DLG2: variants seen among roughly 807,000 people sequenced by gnomAD.
DLG2 encodes disks large homolog 2.
A neutral mutation model predicts 132.5 loss-of-function variants in DLG2; 45 were observed. That is an observed-to-expected ratio of 0.34 (90% CI 0.27 to 0.44). DLG2 has a LOEUF of 0.44. Ranked by LOEUF, DLG2 falls within the 20% of genes least tolerant of loss-of-function variation. The pLI is 1.00. For synonymous variants in DLG2, 424 were observed against 419.6 expected, an observed-to-expected ratio of 1.01 and a Z score of -0.13; for missense variants, 1,045 against 1,196.9, an observed-to-expected ratio of 0.87 and a Z score of 1.87.
intron 7 of DLG2, among the ~76,000 whole-genome samples, chr11:84,362,808 T>C (rs948150824): frequency 8.5e-5 from 13 of 152,232 alleles, no homozygotes; most frequent in South Asian, 8.3e-4. Flanking sequence ...TGATTTCCAA[T>C]TTCATCCATG....
chr11:85,268,126 C>T (rs1418494634), intron 4 of DLG2, among the ~76,000 whole-genome samples: 2 of 152,092 alleles, frequency 1.3e-5, no homozygotes, highest in East Asian at 1.9e-4. Flanking sequence ...CTCCTCAGAG[C>T]TTGTTTTCTG....
chr11:85,620,433 A>G (rs970633798), intron 2 of DLG2, among the ~76,000 whole-genome samples: 38 of 152,204 alleles, frequency 2.5e-4, no homozygotes, highest in Non-Finnish European at 5.3e-4. Context: ...TCACACTCAA[A>G]GCTAGAAAAT....
At chr11:84,133,291 A>G (rs973163370) in intron 9 of DLG2, among the ~76,000 whole-genome samples, 4 of 152,076 alleles carry the variant, frequency 2.6e-5, no homozygotes, top group South Asian at 2.1e-4. Flanking sequence ...CAACCAGAGG[A>G]GGAAATATAT....
chr11:84,191,745 T>C (rs755873099), intron 8 of DLG2, among the ~76,000 whole-genome samples: 5 of 152,198 alleles, frequency 3.3e-5, no homozygotes, highest in Non-Finnish European at 5.9e-5. Flanking sequence ...TAAATAATCA[T>C]TGACAACTGC....
At chr11:84,217,001 A>C (rs1051753827) in intron 8 of DLG2, among the ~76,000 whole-genome samples, 3 of 152,234 alleles carry the variant, frequency 2.0e-5, no homozygotes, top group African/African-American at 4.8e-5. Context: ...GAAGGAAAAA[A>C]GTTTGATTAT....
At chr11:84,943,468 A>T (rs1460027777) in intron 6 of DLG2, among the ~76,000 whole-genome samples, 1 of 150,226 alleles carries the variant, frequency 6.7e-6, no homozygotes, top group Non-Finnish European at 1.5e-5. Context: ...GTATGTTTTA[A>T]TTTCTTTCTT....
intron 3 of DLG2, among the ~76,000 whole-genome samples, chr11:85,448,127 C>A (rs545351860): frequency 6.6e-6 from 1 of 151,976 alleles, no homozygotes; most frequent in South Asian, 2.1e-4. Context: ...CAAATTAAAG[C>A]GATTTTTATA....
At chr11:83,891,220 G>T (rs1328290908) in intron 15 of DLG2, among the ~76,000 whole-genome samples, 3 of 151,942 alleles carry the variant, frequency 2.0e-5, no homozygotes, top group Non-Finnish European at 4.4e-5. Context: ...CTTAGTGATA[G>T]GAAACATTAT....
rs146765617 is a variant in DLG2 at position 85,443,470 on chromosome 11, T to G, written c.40+155187A>C. ...AACCTCTTTAAGATCACCTCCAACT[T>G]TAATATTCTATGTTTCTCTGTGATA... On this transcript the variant is annotated intron_variant, in intron 3 of 27. Coordinates refer to ENST00000376104, the MANE Select transcript of DLG2 (RefSeq NM_001142699.3). Among the ~76,000 whole-genome samples the G allele has an allele frequency of 3.2e-4, 49 of 152,312 alleles. No individual in the cohort carries two copies. The East Asian group carries it at 9.3e-3, about 29-fold the overall frequency.
At chr11:85,039,299 G>C (rs187055983) in intron 6 of DLG2, among the ~76,000 whole-genome samples, 1 of 147,108 alleles carries the variant, frequency 6.8e-6, no homozygotes, top group Admixed American at 6.8e-5. Flanking sequence ...AAAGTTTGCC[G>C]TCTCTCAAAA....
intron 6 of DLG2, among the ~76,000 whole-genome samples, chr11:84,734,012 C>T (rs1405133687): frequency 6.6e-6 from 1 of 152,102 alleles, no homozygotes; most frequent in Non-Finnish European, 1.5e-5. Context: ...TGTTTTGGTA[C>T]CAGTACCATG....
At chr11:83,710,166 CT>C (rs34223532) in intron 18 of DLG2, among the ~76,000 whole-genome samples, 47,984 of 145,038 alleles carry the variant, frequency 0.33, 8,975 homozygotes, top group African/African-American at 0.54. Context: ...AAATAAGGTA[CT>C]TTTTTTTTTT....
chr11:83,709,991 T>G (rs1361367238), intron 18 of DLG2, among the ~76,000 whole-genome samples: 1 of 152,126 alleles, frequency 6.6e-6, no homozygotes, highest in Non-Finnish European at 1.5e-5. Context: ...TGGGTGAGCA[T>G]TTTGTGAAAG....
At chr11:85,017,828 C>T (rs963279244) in intron 6 of DLG2, among the ~76,000 whole-genome samples, 4 of 152,122 alleles carry the variant, frequency 2.6e-5, no homozygotes, top group Admixed American at 6.5e-5. Flanking sequence ...TCTCTCTCTC[C>T]TAGGGTCATC....
intron 9 of DLG2, among the ~76,000 whole-genome samples, chr11:84,106,175 T>C (rs1370320003): frequency 6.6e-6 from 1 of 152,152 alleles, no homozygotes; most frequent in African/African-American, 2.4e-5. Context: ...AAATGTCCCT[T>C]GATAGAAAGG....
chr11:84,860,029 A>G (rs978822073), intron 6 of DLG2, among the ~76,000 whole-genome samples: 6 of 152,284 alleles, frequency 3.9e-5, no homozygotes, highest in South Asian at 4.1e-4. Flanking sequence ...ACAGGCTGGT[A>G]GCCCTTCAGC....
chr11:84,414,758 C>T (rs1424110017), intron 7 of DLG2, among the ~76,000 whole-genome samples: 1 of 152,146 alleles, frequency 6.6e-6, no homozygotes, highest in African/African-American at 2.4e-5. Context: ...TGCAAAGTAG[C>T]TTCTTGCCAC....
intron 16 of DLG2, among the ~76,000 whole-genome samples, chr11:83,868,359 T>A (rs2062794770): frequency 6.6e-6 from 1 of 152,128 alleles, no homozygotes; most frequent in Admixed American, 6.6e-5. Context: ...CAAACATAAA[T>A]CTTTTTGGGG....
chr11:84,557,466 G>A (rs1489418243), intron 6 of DLG2, among the ~76,000 whole-genome samples: 1 of 151,762 alleles, frequency 6.6e-6, no homozygotes, highest in East Asian at 1.9e-4. Context: ...TCTCTGATAT[G>A]ATCTTTACTG....
Sources: gnomAD v4.1 joint callset for allele counts (sites outside exome capture counted in the v4.1 genomes callset) on GRCh38, gnomAD v4.1.1 for gene constraint, MANE v1.5 for transcripts, NCBI Gene and HGNC (gene_info 2026-07-23, HGNC 2026-07-21) for gene names.